Variants in RDH11 observed in about 807,000 individuals in gnomAD.
The protein encoded by RDH11 is retinol dehydrogenase 11.
RDH11 carries 19 observed loss-of-function variants against 33.4 expected under a neutral mutation model. The observed-to-expected ratio is 0.57, with a 90% CI of 0.40 to 0.83. RDH11 has a LOEUF of 0.83. Ranked by LOEUF, RDH11 falls within the 40% of genes least tolerant of loss-of-function variation. The pLI is 0.00. For synonymous variants in RDH11, 154 were observed against 155.3 expected (o/e 0.99, Z 0.06); for missense variants, 353 against 389.0 (o/e 0.91, Z 0.78).
rs2037823291 is a variant in RDH11, at chr14:67,695,704, C to T, written c.-1G>A. On this transcript the variant is annotated 5_prime_UTR_variant, in exon 1 of 7. Coordinates refer to ENST00000381346, the MANE Select transcript of RDH11 (RefSeq NM_016026.4). The stretch of plus-strand genomic sequence containing the variant: ...ACAGCGGGAACATGAGCTCAACCAT[C>T]TCTGCCGGCTGCAGCGGCACCAGAG... The T allele has an allele frequency of 3.1e-6, 5 of 1,614,128 alleles. No individual in the cohort carries two copies. In the East Asian group the frequency reaches 1.1e-4, roughly 36 times the overall value.
intron 5 of RDH11, among the ~76,000 whole-genome samples, chr14:67,688,064 C>T (rs973738771): frequency 5.3e-5 from 8 of 151,994 alleles, no homozygotes; most frequent in East Asian, 3.9e-4. Flanking sequence ...TGAGCCACCG[C>T]GCCCGGCCTC....
At chr14:67,688,983 T>C (rs2037715336) in intron 5 of RDH11, among the ~76,000 whole-genome samples, 1 of 152,122 alleles carries the variant, frequency 6.6e-6, no homozygotes, top group African/African-American at 2.4e-5. Flanking sequence ...CAAACCAGGG[T>C]TCTTTTACTG....
chr14:67,684,025 C>A (rs2037646259), intron 6 of RDH11, among the ~76,000 whole-genome samples: 1 of 152,198 alleles, frequency 6.6e-6, no homozygotes, highest in South Asian at 2.1e-4. Flanking sequence ...GATAAAAATT[C>A]TGCTGCTTCA....
intron 3 of RDH11, 70 bp from the exon 4 acceptor site, chr14:67,691,314 C>T (rs754360824): frequency 2.5e-5 from 25 of 1,003,784 alleles, no homozygotes; most frequent in Admixed American, 3.6e-5. Context: ...AGCTGCCTCA[C>T]GCTCAGGCTT....
intron 1 of RDH11, 31 bp from the exon 2 acceptor site, chr14:67,693,083 C>T (rs761801162): frequency 6.7e-7 from 1 of 1,489,000 alleles, no homozygotes; most frequent in Non-Finnish European, 9.3e-7. Context: ...CTCATCAATT[C>T]TTCATTCTAC....
chr14:67,684,334 G>A (rs1394404239), intron 6 of RDH11, among the ~76,000 whole-genome samples: 2 of 152,102 alleles, frequency 1.3e-5, no homozygotes, highest in Non-Finnish European at 2.9e-5. Flanking sequence ...TGTGATGCCT[G>A]GGATTTGCTT....
chr14:67,690,642 T>A (rs2037737585), intron 4 of RDH11: 1 of 522,186 alleles, frequency 1.9e-6, no homozygotes, highest in Non-Finnish European at 3.4e-6. Flanking sequence ...GTCTAGACTA[T>A]GTGAATATGA....
At position 67,690,337 on chromosome 14, in the gene RDH11, T is replaced by C. The variant is rs2037733361; in HGVS notation, c.539A>G (p.His180Arg). The C allele has an allele frequency of 1.2e-6, 2 of 1,614,014 alleles. No individual in the cohort carries two copies. The highest frequency in any genetic ancestry group is 2.7e-5 in the African/African-American group (2 of 74,934). Residue 180 changes from histidine (H) to arginine (R), a missense_variant, in exon 5 of 7, where the codon CAT becomes CGT. Transcript: ENST00000381346. Reference sequence around the variant, plus strand: ...ATGGAAGTGGATCCTTCCCAGGTGATGTGCGAGGGAAGACACATTTACTAT... The same window carrying C: ...ATGGAAGTGGATCCTTCCCAGGTGACGTGCGAGGGAAGACACATTTACTAT... ...SRIVNVSSLA[H>R]HLGRIHFHNL...
rs779775191 is a variant in RDH11 at position 67,692,968 on chromosome 14, G to C, written c.159C>G (p.Ile53Met). 6.2e-7 allele frequency: 1 copy of C among 1,613,924 alleles called. No individual in the cohort carries two copies. The highest frequency in any genetic ancestry group is 1.7e-4 in the Middle Eastern group (1 of 6,054). The part of the protein sequence containing the change: ...VVVVTGANTG[I>M]GKETAKELAQ... ...CCAGCTCTTTGGCTGTCTCCTTCCC[G>C]ATACCTGTATTAGCTCCTGTGACCA... The change falls in exon 2 of 7, where the codon ATC becomes ATG. Residue 53 changes from isoleucine (I) to methionine (M), a missense_variant. Transcript: ENST00000381346.
chr14:67,679,353 C>A (rs1044229649), intron 6 of RDH11, among the ~76,000 whole-genome samples: 16 of 152,028 alleles, frequency 1.1e-4, no homozygotes, highest in Non-Finnish European at 1.8e-4. Flanking sequence ...ACATTCAAAT[C>A]ATAGCAAAGT....
chr14:67,678,838 T>TAA (rs68115588), intron 6 of RDH11, among the ~76,000 whole-genome samples: 111 of 145,406 alleles, frequency 7.6e-4, no homozygotes, highest in Middle Eastern at 3.6e-3. Flanking sequence ...CCTGGAGTAG[T>TAA]AAAAAAAAAA....
intron 6 of RDH11, among the ~76,000 whole-genome samples, chr14:67,682,543 A>C (rs924496928): frequency 6.6e-6 from 1 of 152,250 alleles, no homozygotes; most frequent in African/African-American, 2.4e-5. Context: ...ATGAAAATAA[A>C]AACAAGATAT....
intron 6 of RDH11, among the ~76,000 whole-genome samples, chr14:67,682,351 AATTATAT>A (rs1216436846): frequency 1.8e-4 from 27 of 152,232 alleles, no homozygotes; most frequent in Non-Finnish European, 1.5e-5. Context: ...AATATTTGCA[AATTATAT>A]ATCTGACAAG....
intron 5 of RDH11, among the ~76,000 whole-genome samples, chr14:67,687,690 T>A: frequency 6.6e-6 from 1 of 151,884 alleles, no homozygotes; most frequent in East Asian, 1.9e-4. Flanking sequence ...AGGCTGGTCT[T>A]GAACTCCTGA....
At chr14:67,678,569 A>G (rs796763994) in intron 6 of RDH11, 146 bp from the exon 7 acceptor site, 30 of 579,736 alleles carry the variant, frequency 5.2e-5, no homozygotes, top group African/African-American at 4.9e-4. Context: ...TTATCTCTTC[A>G]TTCTCCAGTC....
Position 67,677,441 on chromosome 14 carries a change from CA to C in RDH11, c.*879del. On this transcript the variant is annotated 3_prime_UTR_variant, in exon 7 of 7. Transcript: ENST00000381346. The stretch of plus-strand genomic sequence containing the variant: ...CTCATCAGTCCTGGGTGCTTGCCCT[CA>C]ATTCCTCCATAGCTATGTTAGCATA... 1 of 139,816 alleles carries C rather than the reference CA, an allele frequency of 7.2e-6. No homozygotes were observed. Among genetic ancestry groups the C allele is most frequent in the Non-Finnish European group, 1.5e-5 (1 of 66,402 alleles). 8.7% of individuals were successfully genotyped at this position (139,816 alleles called of 1,614,324 possible). A position where few individuals can be genotyped will look rare whatever the true frequency, so the allele number is the denominator to read the frequency against.
At chr14:67,691,315 G>C (rs1402210257) in intron 3 of RDH11, 71 bp from the exon 4 acceptor site, 1 of 999,330 alleles carries the variant, frequency 1.0e-6, no homozygotes, top group African/African-American at 1.6e-5. Flanking sequence ...GCTGCCTCAC[G>C]CTCAGGCTTT....
rs1300611009 is a variant in RDH11 at position 67,677,522 on chromosome 14, A to C, written c.*799T>G. 1 of 151,602 alleles carries C rather than the reference A, an allele frequency of 6.6e-6. No individual in the cohort carries two copies. Among genetic ancestry groups the C allele is most frequent in the Non-Finnish European group, 1.5e-5 (1 of 67,926 alleles). The allele number at this position is 151,602 out of a possible 1,614,324, so 9.4% of individuals were successfully genotyped here. On this transcript the variant is annotated 3_prime_UTR_variant, in exon 7 of 7. Coordinates refer to ENST00000381346, the MANE Select transcript of RDH11 (RefSeq NM_016026.4). ...TAGTTAATCCTTAAAGGGCTAGTTA[A>C]TCCTTAACTAGTCCCTTCATTTTGT...
rs1566830841 is a variant in RDH11 at position 67,693,057 on chromosome 14, A to C, written c.75-5T>G. ...ACCCCACTGGACAGCATTTTCCTGC[A>C]GACAGAGAAGGAGAGCTCATCAATT... On this transcript the variant is annotated splice_polypyrimidine_tract_variant and splice_region_variant and intron_variant, in intron 1 of 6. Transcript: ENST00000381346. The C allele has an allele frequency of 5.0e-6, 8 of 1,597,238 alleles. No homozygotes were observed. The highest frequency in any genetic ancestry group is 6.9e-6 in the Non-Finnish European group (8 of 1,166,136).
Sources: allele counts gnomAD v4.1 joint callset (sites outside exome capture counted in the v4.1 genomes callset), GRCh38; gene constraint gnomAD v4.1.1; transcripts MANE v1.5; gene names NCBI Gene and HGNC (gene_info 2026-07-23, HGNC 2026-07-21).